ELMO3: variants seen among roughly 807,000 people sequenced by gnomAD.
ELMO3 encodes engulfment and cell motility protein 3.
A neutral mutation model predicts 89.0 loss-of-function variants in ELMO3; 81 were observed. The observed-to-expected ratio is 0.91, with a 90% CI of 0.76 to 1.09. ELMO3 has a LOEUF of 1.09. ELMO3 is among the 50% of genes least tolerant of loss of function. The pLI is 0.00. For missense variants in ELMO3, 959 were observed against 972.8 expected, an observed-to-expected ratio of 0.99 and a Z score of 0.19; for synonymous variants, 406 against 400.6, an observed-to-expected ratio of 1.01 and a Z score of -0.16.
intron 1 of ELMO3, 72 bp downstream of exon 1, chr16:67,199,476 G>GGGCCCCCCCCCCCCCCCCCC: frequency 4.7e-6 from 7 of 1,503,556 alleles, no homozygotes; most frequent in Non-Finnish European, 6.3e-6. Flanking sequence ...CCTCGGGGCA[G>GGGCCCCCCCCCCCCCCCCCC]CCCGCCCCAC....
chr16:67,199,523 A>G (rs1330155445), intron 1 of ELMO3, 30 bp from the exon 2 acceptor site: 5 of 1,170,360 alleles, frequency 4.3e-6, no homozygotes, highest in South Asian at 1.3e-5. Context: ...CTCCCTGCCC[A>G]GGCCGCGAGA....
chr16:67,202,799 G>A lies in ELMO3; in HGVS notation c.1562+9G>A. On this transcript the variant is annotated intron_variant, in intron 15 of 19. Coordinates refer to ENST00000393997, the MANE Select transcript of ELMO3 (RefSeq NM_024712.5). The stretch of plus-strand genomic sequence containing the variant: ...CTGGCTCCCCCTATACTGTGAGTCT[G>A]GGGGGATGGATCCTCAGTCCTAGCC... The A allele has an allele frequency of 1.2e-6, 2 of 1,612,700 alleles. No homozygotes were observed. Among genetic ancestry groups the A allele is most frequent in the Non-Finnish European group, 1.7e-6 (2 of 1,179,448 alleles).
rs571517270 is a variant in ELMO3, at chr16:67,200,982, G to A, written c.744+14G>A. 17 of 1,587,652 alleles carry A rather than the reference G, an allele frequency of 1.1e-5. No homozygotes were observed. Among genetic ancestry groups the A allele is most frequent in the African/African-American group, 4.1e-5 (3 of 73,132 alleles). On this transcript the variant is annotated intron_variant, in intron 8 of 19. Coordinates refer to ENST00000393997, the MANE Select transcript of ELMO3 (RefSeq NM_024712.5). The stretch of plus-strand genomic sequence containing the variant: ...GTGGAACGCAAGGTGAGTGTCGATC[G>A]GTGGCTAGATGGGGGCAGCACCCGG...
At chr16:67,201,362 C>A (rs760499554) in intron 8 of ELMO3, 23 bp from the exon 9 acceptor site, 68 of 1,613,558 alleles carry the variant, frequency 4.2e-5, no homozygotes, top group Admixed American at 4.2e-4. Context: ...CAGCCTAAGC[C>A]CCCTTTCTTT....
intron 4 of ELMO3, 51 bp from the exon 5 acceptor site, chr16:67,200,141 C>A: frequency 1.3e-6 from 2 of 1,593,872 alleles, no homozygotes; most frequent in South Asian, 1.1e-5. Flanking sequence ...CCAGGTCCCA[C>A]CCTTACCATG....
intron 4 of ELMO3, 64 bp from the exon 5 acceptor site, chr16:67,200,128 C>A: frequency 6.3e-7 from 1 of 1,588,556 alleles, no homozygotes; most frequent in Non-Finnish European, 8.6e-7. Flanking sequence ...GGGCCGCACA[C>A]TTCCAGGTCC....
At chr16:67,199,651 C>T in intron 2 of ELMO3, 33 bp from the exon 3 acceptor site, 1 of 1,608,280 alleles carries the variant, frequency 6.2e-7, no homozygotes, top group Non-Finnish European at 8.5e-7. Flanking sequence ...GGCGGCGCCC[C>T]CTGCCGGCCT....
At position 67,203,709 on chromosome 16, in the gene ELMO3, C is replaced by T. The variant is rs373386231; in HGVS notation, c.1995C>T (p.Pro665=). 2,194 of 1,613,782 alleles carry T rather than the reference C, an allele frequency of 1.4e-3. 51 individuals carry two copies. The South Asian group carries it at 0.022, about 16-fold the overall frequency. ...GGCTCAGTGCCTTGCTGGGCAGTCC[C>T]ATGGGCAGCGAGCAGACACGGCTGG... The part of the protein sequence containing the change: ...TDGLSALLGS[P]MGSEQTRLDL... Residue 665 remains proline (P), a synonymous_variant, in exon 20 of 20, where the codon CCC becomes CCT. Coordinates refer to ENST00000393997, the MANE Select transcript of ELMO3 (RefSeq NM_024712.5). This position sits in a 1 kb window ranked among gnomAD's most constrained non-coding sequence, Gnocchi z 4.6.
Position 67,203,903 on chromosome 16 carries a change from C to T in ELMO3, c.*26C>T. The T allele has an allele frequency of 6.6e-7, 1 of 1,516,014 alleles. No individual in the cohort carries two copies. Among genetic ancestry groups the T allele is most frequent in the Non-Finnish European group, 8.9e-7 (1 of 1,127,722 alleles). The allele number at this position is 1,516,014 out of a possible 1,614,324, so 93.9% of individuals were successfully genotyped here. ...CAGTGTGGCTGGCCATGGGCCACAGCTGCGGCCACTGCAGCAGCCATGAAG... is the reference window on the plus strand; with the variant it reads ...CAGTGTGGCTGGCCATGGGCCACAGTTGCGGCCACTGCAGCAGCCATGAAG... On this transcript the variant is annotated 3_prime_UTR_variant, in exon 20 of 20. Coordinates refer to ENST00000393997, the MANE Select transcript of ELMO3 (RefSeq NM_024712.5). The surrounding 1 kb of genome is among the most constrained non-coding windows in gnomAD (Gnocchi z 4.6).
intron 8 of ELMO3, 120 bp from the exon 9 acceptor site, chr16:67,201,265 G>A: frequency 9.6e-7 from 1 of 1,043,812 alleles, no homozygotes; most frequent in African/African-American, 1.8e-5. Flanking sequence ...CACTGTGTTA[G>A]CCAGGTTGGC....
chr16:67,200,330 A>G lies in ELMO3; in HGVS notation c.382A>G (p.Ile128Val). Reference protein sequence around the residue: ...REVISRNGLQILGTIIEDGDD... With the variant: ...REVISRNGLQVLGTIIEDGDD... Reference sequence around the variant, plus strand: ...GGTCATCAGCCGTAATGGGCTCCAGATACTAGGCACCATCATTGAAGATGG... The same window carrying G: ...GGTCATCAGCCGTAATGGGCTCCAGGTACTAGGCACCATCATTGAAGATGG... Residue 128 changes from isoleucine to valine, a missense_variant, in exon 5 of 20, where the codon ATA becomes GTA. Coordinates refer to ENST00000393997, the MANE Select transcript of ELMO3 (RefSeq NM_024712.5). The G allele has an allele frequency of 6.2e-7, 1 of 1,613,908 alleles. No individual in the cohort carries two copies. The highest frequency in any genetic ancestry group is 8.5e-7 in the Non-Finnish European group (1 of 1,180,020).
chr16:67,201,323 C>T (rs374599638), intron 8 of ELMO3, 62 bp from the exon 9 acceptor site: 27 of 1,604,930 alleles, frequency 1.7e-5, no homozygotes, highest in Non-Finnish European at 2.3e-5. Context: ...TCCCAAAGTG[C>T]TGGGATTACA....
chr16:67,199,451 C>T (rs535043976), intron 1 of ELMO3, 47 bp downstream of exon 1: 48 of 1,596,478 alleles, frequency 3.0e-5, no homozygotes, highest in African/African-American at 2.9e-4. Context: ...CCCCACCTCC[C>T]GGTAGCCCCC....
intron 12 of ELMO3, 44 bp downstream of exon 12, chr16:67,202,122 C>G: frequency 1.9e-6 from 3 of 1,609,250 alleles, no homozygotes; most frequent in Non-Finnish European, 2.5e-6. Flanking sequence ...ATCCCCCAGG[C>G]AGGGTCCCCA....
Position 67,203,755 on chromosome 16 carries a change from A to G in ELMO3, c.2041A>G (p.Met681Val), listed in dbSNP as rs1421401251. 2 of 1,613,398 alleles carry G rather than the reference A, an allele frequency of 1.2e-6. No homozygotes were observed. Among genetic ancestry groups the G allele is most frequent in the Non-Finnish European group, 1.7e-6 (2 of 1,179,982 alleles). ...TRLDLEQLLT[M>V]ETKLRLLELE... ...GCTGGACCTGGAGCAGCTGCTGACC[A>G]TGGAGACCAAGCTGCGTCTGCTGGA... Residue 681 changes from methionine (M) to valine (V), a missense_variant, in exon 20 of 20, where the codon ATG becomes GTG. Physicochemically the swap from Met to Val is conservative, Grantham distance 21 (BLOSUM62 1). Coordinates refer to ENST00000393997, the MANE Select transcript of ELMO3 (RefSeq NM_024712.5). This position sits in a 1 kb window ranked among gnomAD's most constrained non-coding sequence, Gnocchi z 4.6.
rs758357186 is a variant in ELMO3 at position 67,203,708 on chromosome 16, C to T, written c.1994C>T (p.Pro665Leu). The change falls in exon 20 of 20, where the codon CCC (proline) becomes CTC (leucine). Residue 665 changes from proline to leucine, a missense_variant. Transcript: ENST00000393997. This position sits in a 1 kb window ranked among gnomAD's most constrained non-coding sequence, Gnocchi z 4.6. Reference protein sequence around the residue: ...TDGLSALLGSPMGSEQTRLDL... With the variant: ...TDGLSALLGSLMGSEQTRLDL... The stretch of plus-strand genomic sequence containing the variant: ...GGGCTCAGTGCCTTGCTGGGCAGTC[C>T]CATGGGCAGCGAGCAGACACGGCTG... The T allele has an allele frequency of 4.3e-6, 7 of 1,613,748 alleles. No individual in the cohort carries two copies. The South Asian group carries it at 6.6e-5, about 15-fold the overall frequency.
rs765904297 is a variant in ELMO3, at chr16:67,201,656, G to A, written c.918+14G>A. 1.9e-6 allele frequency: 3 copies of A among 1,611,134 alleles called. No individual in the cohort carries two copies. Among genetic ancestry groups the A allele is most frequent in the East Asian group, 2.2e-5 (1 of 44,874 alleles). On this transcript the variant is annotated intron_variant, in intron 10 of 19. Coordinates refer to ENST00000393997, the MANE Select transcript of ELMO3 (RefSeq NM_024712.5). Reference sequence around the variant, plus strand: ...CCCTACAGCCAGGTGTGTGTCTTTGGTGAGGACAAGGCAGGGGGTGGCTTA... The same window carrying A: ...CCCTACAGCCAGGTGTGTGTCTTTGATGAGGACAAGGCAGGGGGTGGCTTA...
rs200503282 is a variant in ELMO3, at chr16:67,203,765, A to G, written c.2051A>G (p.Lys684Arg). The change falls in exon 20 of 20, where the codon AAG (lysine) becomes AGG (arginine). Residue 684 changes from lysine to arginine, a missense_variant. Lys to Arg is a conservative substitution (Grantham distance 26). Coordinates refer to ENST00000393997, the MANE Select transcript of ELMO3 (RefSeq NM_024712.5). The surrounding 1 kb of genome is among the most constrained non-coding windows in gnomAD (Gnocchi z 4.6). ...DLEQLLTMET[K>R]LRLLELENVP... is the part of the protein sequence containing the mutation. ...GAGCAGCTGCTGACCATGGAGACCA[A>G]GCTGCGTCTGCTGGAGCTGGAGAAC... 959 of 1,613,268 alleles carry G rather than the reference A, an allele frequency of 5.9e-4. 3 individuals are homozygous for G. The highest frequency in any genetic ancestry group is 7.3e-4 in the Non-Finnish European group (863 of 1,179,958).
chr16:67,201,934 C>T (rs367822696), intron 11 of ELMO3, 43 bp from the exon 12 acceptor site: 98 of 1,605,612 alleles, frequency 6.1e-5, no homozygotes, highest in South Asian at 2.7e-4. Flanking sequence ...TTGTTCCAGG[C>T]GGCCGTGGCC....
Sources: gnomAD v4.1 joint callset for allele counts on GRCh38, gnomAD v4.1.1 for gene constraint, Gnocchi (gnomAD v3.1) non-coding constraint, MANE v1.5 for transcripts, NCBI Gene and HGNC (gene_info 2026-07-23, HGNC 2026-07-21) for gene names.